RSPO2: variants seen among roughly 807,000 people sequenced by gnomAD.
The protein encoded by RSPO2 is R-spondin 2, also known as R-spondin-2.
In RSPO2, 14 loss-of-function variants were observed where a neutral mutation model predicts 30.9. The observed-to-expected ratio is 0.45, with a 90% CI of 0.30 to 0.71. The LOEUF (loss-of-function observed/expected upper bound fraction) is 0.71. Among genes scored for constraint, RSPO2 ranks in the 30% least tolerant of loss-of-function variants. RSPO2 has a pLI of 0.08. For missense variants in RSPO2, 264 were observed against 301.9 expected, an observed-to-expected ratio of 0.87 and a Z score of 0.93; for synonymous variants, 107 against 96.4, an observed-to-expected ratio of 1.11 and a Z score of -0.64.
At chr8:108,050,425 T>C (rs1173679236) in intron 2 of RSPO2, among the ~76,000 whole-genome samples, 1 of 152,180 alleles carries the variant, frequency 6.6e-6, no homozygotes, top group Non-Finnish European at 1.5e-5. Flanking sequence ...ATAGTTTACC[T>C]GTTAAAAATA....
intron 2 of RSPO2, chr8:108,073,017 TG>T (rs1168798433): frequency 6.6e-6 from 1 of 152,216 alleles, no homozygotes; most frequent in Non-Finnish European, 1.5e-5. Context: ...CTGTAGAAGC[TG>T]GAATCTACCT....
Position 107,958,286 on chromosome 8 carries a change from A to G in RSPO2, c.428-18T>C. 2 of 1,586,112 alleles carry G rather than the reference A, an allele frequency of 1.3e-6. No homozygotes were observed. Among genetic ancestry groups the G allele is most frequent in the Non-Finnish European group, 1.7e-6 (2 of 1,160,200 alleles). ...ACATCCTTCTAGTAAAGATTTTTAGAAAAAGAAAAAAAAACACAAGCACAT... is the reference window on the plus strand; with the variant it reads ...ACATCCTTCTAGTAAAGATTTTTAGGAAAAGAAAAAAAAACACAAGCACAT... On this transcript the variant is annotated intron_variant, in intron 4 of 5. Coordinates refer to ENST00000276659, the MANE Select transcript of RSPO2 (RefSeq NM_178565.5).
chr8:107,925,498 G>A (rs112549444), intron 5 of RSPO2, among the ~76,000 whole-genome samples: 14,367 of 151,870 alleles, frequency 0.095, 790 homozygotes, highest in South Asian at 0.16. Flanking sequence ...TTGGTGTGCT[G>A]CACCCATTAA....
chr8:107,942,261 A>G (rs1812924290), intron 5 of RSPO2, among the ~76,000 whole-genome samples: 1 of 152,176 alleles, frequency 6.6e-6, no homozygotes, highest in Admixed American at 6.5e-5. Flanking sequence ...GACTTCCTAT[A>G]TTAGGAGAGT....
chr8:107,955,638 T>A (rs74308063), intron 5 of RSPO2, among the ~76,000 whole-genome samples: 44 of 151,582 alleles, frequency 2.9e-4, no homozygotes, highest in Non-Finnish European at 1.5e-4. Flanking sequence ...CACTGTTTTT[T>A]AAAAAAAACT....
chr8:107,954,028 C>T (rs1234570684), intron 5 of RSPO2, among the ~76,000 whole-genome samples: 1 of 152,190 alleles, frequency 6.6e-6, no homozygotes, highest in African/African-American at 2.4e-5. Context: ...ACTCTTTGAG[C>T]AATCCCATGC....
intron 2 of RSPO2, among the ~76,000 whole-genome samples, chr8:108,046,793 C>T (rs534169579): frequency 5.3e-5 from 8 of 152,096 alleles, no homozygotes; most frequent in Admixed American, 6.5e-5. Flanking sequence ...ATTAATTCCC[C>T]CTCCCAACAC....
At chr8:107,964,393 C>A (rs777535743) in intron 3 of RSPO2, among the ~76,000 whole-genome samples, 1 of 152,154 alleles carries the variant, frequency 6.6e-6, no homozygotes, top group African/African-American at 2.4e-5. Flanking sequence ...AGGCATCATG[C>A]GCCACCATGC....
intron 5 of RSPO2, among the ~76,000 whole-genome samples, chr8:107,936,336 T>TCATC (rs1177111492): frequency 1.3e-5 from 2 of 152,230 alleles, no homozygotes; most frequent in Non-Finnish European, 1.5e-5. Flanking sequence ...CTTTATCCTT[T>TCATC]CATCCATCCA....
intron 2 of RSPO2, among the ~76,000 whole-genome samples, chr8:108,010,788 A>T (rs1465415622): frequency 6.6e-6 from 1 of 152,148 alleles, no homozygotes; most frequent in African/African-American, 2.4e-5. Flanking sequence ...AAAGGCAGGG[A>T]AGGAAGGAAG....
intron 2 of RSPO2, chr8:108,081,947 C>T: frequency 1.0e-6 from 1 of 978,428 alleles, no homozygotes; most frequent in Non-Finnish European, 1.2e-6. Context: ...TCGCAGTTTC[C>T]AGAAAAAAGA....
intron 2 of RSPO2, among the ~76,000 whole-genome samples, chr8:108,073,816 C>T (rs1232160916): frequency 6.6e-6 from 1 of 152,130 alleles, no homozygotes; most frequent in African/African-American, 2.4e-5. Flanking sequence ...TCCAGTGTGG[C>T]TTCATATTGT....
chr8:108,031,039 A>C (rs1811402987), intron 2 of RSPO2, among the ~76,000 whole-genome samples: 3 of 152,232 alleles, frequency 2.0e-5, no homozygotes, highest in Admixed American at 2.0e-4. Flanking sequence ...CAGGGAGAGA[A>C]AGTTTCTCCC....
intron 5 of RSPO2, among the ~76,000 whole-genome samples, chr8:107,908,413 T>C (rs767449050): frequency 6.6e-6 from 1 of 152,154 alleles, no homozygotes; most frequent in Non-Finnish European, 1.5e-5. Context: ...AAAATTATTT[T>C]CATAAATACT....
intron 2 of RSPO2, among the ~76,000 whole-genome samples, chr8:108,015,939 A>ACG: frequency 1.3e-5 from 2 of 152,294 alleles, no homozygotes; most frequent in East Asian, 3.9e-4. Context: ...GAAGGTGAGG[A>ACG]AGAGAGAATG....
At chr8:107,978,283 C>G (rs918409794) in intron 3 of RSPO2, among the ~76,000 whole-genome samples, 1 of 151,864 alleles carries the variant, frequency 6.6e-6, no homozygotes, top group East Asian at 1.9e-4. Context: ...AAAAATTAGC[C>G]GGGCATGGTG....
chr8:107,963,979 G>GT (rs1411310088), intron 3 of RSPO2, among the ~76,000 whole-genome samples: 2 of 152,154 alleles, frequency 1.3e-5, no homozygotes, highest in African/African-American at 2.4e-5. Context: ...ATGTTCAATA[G>GT]TGTTGCTTTT....
intron 5 of RSPO2, among the ~76,000 whole-genome samples, chr8:107,957,265 A>G (rs1420842676): frequency 6.6e-6 from 1 of 152,236 alleles, no homozygotes; most frequent in East Asian, 1.9e-4. Flanking sequence ...TTTTCCAAAC[A>G]CAACTTTCTT....
In RSPO2 at chr8:108,003,324, T is replaced by A. The variant is rs1319644018; in HGVS notation, c.95-14080A>T. Among the ~76,000 whole-genome samples, 230 of 99,174 alleles carry A rather than the reference T, an allele frequency of 2.3e-3. 2 individuals are homozygous for A. Among genetic ancestry groups the A allele is most frequent in the African/African-American group, 0.011 (216 of 20,268 alleles). 65.1% of individuals were successfully genotyped at this position (99,174 alleles called of 152,430 possible). ...ATATATATATATATTTTTTTTTTTT[T>A]TTTTTTTTTTTTTAAGTAGAGACGG... On this transcript the variant is annotated intron_variant, in intron 2 of 5. Coordinates refer to ENST00000276659, the MANE Select transcript of RSPO2 (RefSeq NM_178565.5).
Sources: gnomAD v4.1 joint callset for allele counts (sites outside exome capture counted in the v4.1 genomes callset) on GRCh38, gnomAD v4.1.1 for gene constraint, MANE v1.5 for transcripts, NCBI Gene and HGNC (gene_info 2026-07-23, HGNC 2026-07-21) for gene names.